The following B3GALT1 variants were observed in gnomAD, a reference collection of about 807,000 sequenced individuals.
The protein encoded by B3GALT1 is beta-1,3-galactosyltransferase 1.
Under a neutral mutation model 23.2 loss-of-function variants are expected in B3GALT1, and 10 were observed. The ratio of observed to expected loss-of-function variants is 0.43; its 90% CI spans 0.27 to 0.73. B3GALT1 has a LOEUF of 0.73. Ranked by LOEUF, B3GALT1 falls within the 30% of genes least tolerant of loss-of-function variation. The pLI is 0.21. For synonymous variants in B3GALT1, 156 were observed against 141.5 expected, an observed-to-expected ratio of 1.10 and a Z score of -0.73; for missense variants, 299 against 405.4, an observed-to-expected ratio of 0.74 and a Z score of 2.25.
chr2:167,414,753 C>G (rs1013671287), intron 1 of B3GALT1, among the ~76,000 whole-genome samples: 1 of 152,154 alleles, frequency 6.6e-6, no homozygotes, highest in Non-Finnish European at 1.5e-5. Flanking sequence ...TTTGATGCCA[C>G]TAATAAGTTT....
At chr2:167,521,982 GTGTATATA>G (rs1266146420) in intron 2 of B3GALT1, among the ~76,000 whole-genome samples, 6 of 135,232 alleles carry the variant, frequency 4.4e-5, no homozygotes, top group African/African-American at 1.7e-4. Flanking sequence ...GTGTGTGTGT[GTGTATATA>G]TATATATATA....
rs74949243 is a variant in B3GALT1, at chr2:167,471,740, T to A, written c.-510-18437T>A. Among the ~76,000 whole-genome samples the A allele has an allele frequency of 5.6e-3, 852 of 152,332 alleles. 9 individuals carry two copies. Among genetic ancestry groups the A allele is most frequent in the African/African-American group, 0.02 (816 of 41,584 alleles). On this transcript the variant is annotated intron_variant, in intron 1 of 4. Transcript: ENST00000392690. ...CCTTCCTATTAATAAATACACCACA[T>A]ATGCATATTCCTTTAAAGTAGGAGT...
At chr2:167,621,497 T>C (rs1685257762) in intron 2 of B3GALT1, among the ~76,000 whole-genome samples, 1 of 152,096 alleles carries the variant, frequency 6.6e-6, no homozygotes, top group Non-Finnish European at 1.5e-5. Flanking sequence ...AAGACTTTTT[T>C]TCACTTCAAA....
chr2:167,440,905 T>C (rs1375185994), intron 1 of B3GALT1, among the ~76,000 whole-genome samples: 1 of 152,242 alleles, frequency 6.6e-6, no homozygotes, highest in Admixed American at 6.5e-5. Context: ...CCTTCAATAT[T>C]ATTAGATTCA....
intron 1 of B3GALT1, among the ~76,000 whole-genome samples, chr2:167,435,433 C>CAAAAAAAAAAA (rs1159357073): frequency 1.1e-4 from 3 of 26,212 alleles, no homozygotes; most frequent in East Asian, 1.7e-3. Flanking sequence ...CATATGCTTG[C>CAAAAAAAAAAA]AAAAAAAAAA....
intron 2 of B3GALT1, among the ~76,000 whole-genome samples, chr2:167,551,031 A>T (rs1350383042): frequency 6.7e-5 from 9 of 133,574 alleles, no homozygotes; most frequent in Admixed American, 6.3e-4. Flanking sequence ...TCTGCACATG[A>T]GAAAAGATGG....
At chr2:167,651,097 G>C (rs1226963375) in intron 3 of B3GALT1, among the ~76,000 whole-genome samples, 1 of 151,792 alleles carries the variant, frequency 6.6e-6, no homozygotes, top group Non-Finnish European at 1.5e-5. Context: ...GGTGAAAAAA[G>C]CATTCAGTAT....
At position 167,523,113 on chromosome 2, in the gene B3GALT1, C is replaced by A. The variant is rs77606871; in HGVS notation, c.-410+32836C>A. ...TAGGCACCCATCCTCCACACCTCTT[C>A]TGTTTTTTCTTATCTTTAATTCTAG... On this transcript the variant is annotated intron_variant, in intron 2 of 4. Transcript: ENST00000392690. Among the ~76,000 whole-genome samples the A allele has an allele frequency of 2.0e-3, 309 of 152,282 alleles. 3 individuals are homozygous for A. Among genetic ancestry groups the A allele is most frequent in the African/African-American group, 7.1e-3 (294 of 41,560 alleles).
At chr2:167,298,771 A>G (rs1220988670) in intron 1 of B3GALT1, among the ~76,000 whole-genome samples, 2 of 152,116 alleles carry the variant, frequency 1.3e-5, no homozygotes, top group Non-Finnish European at 2.9e-5. Context: ...GAAAATACCA[A>G]AACTGTGTGC....
At chr2:167,305,167 A>G (rs1376281382) in intron 1 of B3GALT1, among the ~76,000 whole-genome samples, 1 of 152,184 alleles carries the variant, frequency 6.6e-6, no homozygotes, top group Non-Finnish European at 1.5e-5. Flanking sequence ...TAACCATCAC[A>G]GTATCTTTCC....
chr2:167,842,219 T>C (rs1377107577), intron 4 of B3GALT1, among the ~76,000 whole-genome samples: 1 of 152,220 alleles, frequency 6.6e-6, no homozygotes. Flanking sequence ...GATTTGAGCC[T>C]GAGTTTAAAA....
intron 3 of B3GALT1, among the ~76,000 whole-genome samples, chr2:167,659,617 T>C (rs1303835796): frequency 6.6e-6 from 1 of 152,070 alleles, no homozygotes; most frequent in Non-Finnish European, 1.5e-5. Context: ...AGTCCACCTG[T>C]GCTGGGCTCT....
At chr2:167,517,941 T>C (rs954784934) in intron 2 of B3GALT1, among the ~76,000 whole-genome samples, 2 of 152,096 alleles carry the variant, frequency 1.3e-5, no homozygotes, top group Non-Finnish European at 2.9e-5. Context: ...ATAAAAAACA[T>C]TTTATAGTAT....
At chr2:167,418,595 A>G (rs1318141052) in intron 1 of B3GALT1, among the ~76,000 whole-genome samples, 3 of 152,028 alleles carry the variant, frequency 2.0e-5, no homozygotes, top group Admixed American at 6.6e-5. Flanking sequence ...TGGTTCCTCA[A>G]CCTTTTCTCA....
At chr2:167,567,885 C>G (rs1237886520) in intron 2 of B3GALT1, among the ~76,000 whole-genome samples, 2 of 152,094 alleles carry the variant, frequency 1.3e-5, no homozygotes, top group Non-Finnish European at 2.9e-5. Context: ...TGTGCCCCAC[C>G]TATTCATCCT....
intron 3 of B3GALT1, among the ~76,000 whole-genome samples, chr2:167,701,636 T>C (rs6718232): frequency 0.094 from 14,286 of 152,228 alleles, 1,089 homozygotes; most frequent in African/African-American, 0.18. Context: ...TTTATGCGCC[T>C]TTGTTTTTAC....
At chr2:167,850,592 G>A (rs71430604) in intron 4 of B3GALT1, among the ~76,000 whole-genome samples, 4,814 of 152,228 alleles carry the variant, frequency 0.032, 86 homozygotes, top group East Asian at 0.07. Context: ...ACTTGCACAC[G>A]CATGTTCATA....
chr2:167,364,003 AG>A (rs758108291), intron 1 of B3GALT1, among the ~76,000 whole-genome samples: 5 of 151,890 alleles, frequency 3.3e-5, no homozygotes, highest in Non-Finnish European at 7.4e-5. Flanking sequence ...TACTAAAAAC[AG>A]ACAAAAAAAA....
chr2:167,603,617 C>T (rs1057383769), intron 2 of B3GALT1, among the ~76,000 whole-genome samples: 2 of 152,238 alleles, frequency 1.3e-5, no homozygotes, highest in Non-Finnish European at 2.9e-5. Flanking sequence ...TCCTACCCAG[C>T]ATAATAACTA....
Sources: gnomAD v4.1 joint callset for allele counts (sites outside exome capture counted in the v4.1 genomes callset) on GRCh38, gnomAD v4.1.1 for gene constraint, MANE v1.5 for transcripts, NCBI Gene and HGNC (gene_info 2026-07-23, HGNC 2026-07-21) for gene names.